Variants in MCOLN1 observed in about 807,000 individuals in gnomAD.
MCOLN1 encodes mucolipin TRP cation channel 1.
A neutral mutation model predicts 70.3 loss-of-function variants in MCOLN1; 50 were observed. The observed-to-expected ratio is 0.71, with a 90% confidence interval of 0.57 to 0.90. The LOEUF (loss-of-function observed/expected upper bound fraction) is 0.90, where lower values mean the gene tolerates loss of function less well. MCOLN1 is among the 40% of genes least tolerant of loss of function. The pLI is 0.00. For synonymous variants in MCOLN1, 366 were observed against 341.0 expected, an observed-to-expected ratio of 1.07 and a Z score of -0.81; for missense variants, 598 against 803.5, an observed-to-expected ratio of 0.74 and a Z score of 3.09.
intron 10 of MCOLN1, 66 bp from the exon 11 acceptor site, chr19:7,529,523 CT>C: frequency 3.5e-6 from 4 of 1,156,262 alleles, no homozygotes; most frequent in Non-Finnish European, 5.0e-6. Context: ...CCACCCCCAT[CT>C]GGGTGCCCAC....
chr19:7,532,656 A>G (rs2146028086), intron 12 of MCOLN1, among the ~76,000 whole-genome samples: 1 of 152,344 alleles, frequency 6.6e-6, no homozygotes, highest in Admixed American at 6.5e-5. Flanking sequence ...TAGAGGTTGC[A>G]GTGAGCCGAG....
chr19:7,531,909 G>A (rs1045079112), intron 12 of MCOLN1, among the ~76,000 whole-genome samples: 12 of 152,108 alleles, frequency 7.9e-5, no homozygotes, highest in Admixed American at 7.9e-4. Context: ...CTTGTGATCC[G>A]CCCACCTCAG....
intron 12 of MCOLN1, among the ~76,000 whole-genome samples, chr19:7,532,589 C>T (rs1351917412): frequency 6.6e-6 from 1 of 152,050 alleles, no homozygotes; most frequent in African/African-American, 2.4e-5. Context: ...GTGGCAGGCA[C>T]CTGTAATCCC....
Position 7,526,649 on chromosome 19 carries a change from G to C in MCOLN1, c.405+43G>C. ...GGTGCTGGTGGGCAGGCAGGTGCAG[G>C]TGGGCGGGCAGGTGCAGTTGGGCGG... On this transcript the variant is annotated intron_variant, in intron 3 of 13. Transcript: ENST00000264079. The surrounding 1 kb of genome is among the most constrained non-coding windows in gnomAD (Gnocchi z 4.6). 2.5e-6 allele frequency: 4 copies of C among 1,599,676 alleles called. No homozygotes were observed. The highest frequency in any genetic ancestry group is 2.5e-6 in the Non-Finnish European group (3 of 1,178,610).
chr19:7,533,997 G>T lies in MCOLN1; in HGVS notation c.*202G>T, dbSNP rs1599259197. The T allele has an allele frequency of 6.1e-6, 4 of 656,726 alleles. No homozygotes were observed. In the South Asian group the frequency reaches 7.0e-5, roughly 12 times the overall value. 40.7% of individuals were successfully genotyped at this position (656,726 alleles called of 1,614,324 possible). A position where few individuals can be genotyped will look rare whatever the true frequency, so the allele number is the denominator to read the frequency against. ...GAATAAAAGGGAAAATAAATGTGTC[G>T]TTTTCATTTTTAGCGGGAGGAGCAG... On this transcript the variant is annotated 3_prime_UTR_variant, in exon 14 of 14. Transcript: ENST00000264079.
rs116662144 is a variant in MCOLN1, at chr19:7,522,910, G to A, written c.31+129G>A. The A allele has an allele frequency of 2.7e-3, 2,229 of 822,944 alleles. 35 individuals carry two copies. The African/African-American group carries it at 0.035, about 13-fold the overall frequency. 51.0% of individuals were successfully genotyped at this position (822,944 alleles called of 1,614,324 possible). ...CGCTGACTTTTCACGGTGGAGAAAA[G>A]GGCAGACGGCTCCTAGAACTTGGGC... On this transcript the variant is annotated intron_variant, in intron 1 of 13. Coordinates refer to ENST00000264079, the MANE Select transcript of MCOLN1 (RefSeq NM_020533.3).
In MCOLN1 at chr19:7,528,868, G is replaced by C. The variant is rs371345093; in HGVS notation, c.1032G>C (p.Leu344=). The C allele has an allele frequency of 1.2e-6, 2 of 1,614,246 alleles. No homozygotes were observed. Among genetic ancestry groups the C allele is most frequent in the South Asian group, 2.2e-5 (2 of 91,090 alleles). ...MWRQRGRVIS[L]WERLEFVNGW... ...GGCAGCGGGGACGGGTCATCAGCCTGTGGGAGCGGCTGGAATTTGTCAATG... is the reference window on the plus strand; with the variant it reads ...GGCAGCGGGGACGGGTCATCAGCCTCTGGGAGCGGCTGGAATTTGTCAATG... Residue 344 remains leucine, a synonymous_variant, in exon 9 of 14, where the codon CTG becomes CTC. Coordinates refer to ENST00000264079, the MANE Select transcript of MCOLN1 (RefSeq NM_020533.3). This position sits in a 1 kb window ranked among gnomAD's most constrained non-coding sequence, Gnocchi z 4.2.
At chr19:7,529,524 TG>T in intron 10 of MCOLN1, 65 bp from the exon 11 acceptor site, 2 of 542,794 alleles carry the variant, frequency 3.7e-6, no homozygotes, top group African/African-American at 2.1e-5. Context: ...CACCCCCATC[TG>T]GGTGCCCACA....
At chr19:7,532,149 C>T (rs1014658078) in intron 12 of MCOLN1, among the ~76,000 whole-genome samples, 5 of 152,184 alleles carry the variant, frequency 3.3e-5, no homozygotes, top group Admixed American at 2.6e-4. Context: ...ATTCTTTCAG[C>T]AGATATATCT....
Position 7,526,211 on chromosome 19 carries a change from C to G in MCOLN1, c.238-228C>G, listed in dbSNP as rs2022565154. 3 of 612,304 alleles carry G rather than the reference C, an allele frequency of 4.9e-6. No individual in the cohort carries two copies. Among genetic ancestry groups the G allele is most frequent in the Non-Finnish European group, 8.8e-6 (3 of 340,110 alleles). The allele number at this position is 612,304 out of a possible 1,614,324, so 37.9% of individuals were successfully genotyped here. ...ACCCTGTGTTGTACGGGGGAGGACA[C>G]AGTGGTGGGCGTGGCATGGAGCTTA... On this transcript the variant is annotated intron_variant, in intron 2 of 13. Coordinates refer to ENST00000264079, the MANE Select transcript of MCOLN1 (RefSeq NM_020533.3). The surrounding 1 kb of genome is among the most constrained non-coding windows in gnomAD (Gnocchi z 4.6).
At position 7,524,180 on chromosome 19, in the gene MCOLN1, G is replaced by A. The variant is rs1041788920; in HGVS notation, c.32-781G>A. ...GCCTTTTTAAAATTTCCACTCTTCA[G>A]ATGAGGAGATGGAGGCTCAGGGAGG... On this transcript the variant is annotated intron_variant, in intron 1 of 13. Transcript: ENST00000264079. The surrounding 1 kb of genome is among the most constrained non-coding windows in gnomAD (Gnocchi z 4.1). Among the ~76,000 whole-genome samples, 6 of 152,202 alleles carry A rather than the reference G, an allele frequency of 3.9e-5. No homozygotes were observed.
In MCOLN1 at chr19:7,533,518, C is replaced by A. The variant is rs775755004; in HGVS notation, c.1576-5C>A. ...CAGGCTGAGCCTCCCGGCTTCTCTC[C>A]CCAGCATCCCGGCGGCGCAGGCGCA... is the stretch of plus-strand genomic sequence containing the variant. On this transcript the variant is annotated splice_polypyrimidine_tract_variant and splice_region_variant and intron_variant, in intron 12 of 13. Transcript: ENST00000264079. 9.9e-6 allele frequency: 16 copies of A among 1,610,698 alleles called. No homozygotes were observed. In the Admixed American group the frequency reaches 2.2e-4, roughly 22 times the overall value.
chr19:7,529,578 G>T lies in MCOLN1; in HGVS notation c.1237-12G>T. 6.4e-7 allele frequency: 1 copy of T among 1,570,770 alleles called. No homozygotes were observed. Among genetic ancestry groups the T allele is most frequent in the African/African-American group, 1.4e-5 (1 of 71,570 alleles). On this transcript the variant is annotated splice_polypyrimidine_tract_variant and intron_variant, in intron 10 of 13. Coordinates refer to ENST00000264079, the MANE Select transcript of MCOLN1 (RefSeq NM_020533.3). ...CCACACCCTCAACGAGGCTCCCTCT[G>T]CCCCAACCCAGATCCTCATCGCCAC...
In MCOLN1 at chr19:7,526,153, C is replaced by G. The variant is rs944644557; in HGVS notation, c.238-286C>G. 5.8e-6 allele frequency: 3 copies of G among 516,316 alleles called. No individual in the cohort carries two copies. The highest frequency in any genetic ancestry group is 5.8e-5 in the African/African-American group (3 of 52,010). 32.0% of individuals were successfully genotyped at this position (516,316 alleles called of 1,614,324 possible). A position where few individuals can be genotyped will look rare whatever the true frequency, so the allele number is the denominator to read the frequency against. On this transcript the variant is annotated intron_variant, in intron 2 of 13. Transcript: ENST00000264079. The surrounding 1 kb of genome is among the most constrained non-coding windows in gnomAD (Gnocchi z 4.6). ...GGACATCCAGTAAACATTTAATGAA[C>G]GTTAGTCCCTGCAGTGAGATAGATG...
intron 10 of MCOLN1, 129 bp from the exon 11 acceptor site, chr19:7,529,461 C>A: frequency 8.1e-7 from 1 of 1,228,784 alleles, no homozygotes; most frequent in Non-Finnish European, 1.1e-6. Flanking sequence ...TCTAGGCACC[C>A]ACTGGCTCCC....
chr19:7,528,956 G>T lies in MCOLN1; in HGVS notation c.1120G>T (p.Gly374Cys). The T allele has an allele frequency of 6.2e-7, 1 of 1,614,122 alleles. No individual in the cohort carries two copies. The highest frequency in any genetic ancestry group is 1.1e-5 in the South Asian group (1 of 91,086). ...LTISGTIMKIGIEAKNLASYD... is the reference protein window; with the variant it reads ...LTISGTIMKICIEAKNLASYD... ...CATCTCGGGCACCATCATGAAGATC[G>T]GCATCGAGGCCAAGGTGCGTCCTGC... Residue 374 changes from glycine (G) to cysteine (C), a missense_variant, in exon 9 of 14, where the codon GGC becomes TGC. This residue lies in a region of MCOLN1 where 461 missense variants were observed against 588.4 expected (regional missense o/e 0.78). Coordinates refer to ENST00000264079, the MANE Select transcript of MCOLN1 (RefSeq NM_020533.3). The surrounding 1 kb of genome is among the most constrained non-coding windows in gnomAD (Gnocchi z 4.2).
Position 7,533,593 on chromosome 19 carries a change from C to T in MCOLN1, c.1646C>T (p.Thr549Ile). 6.2e-7 allele frequency: 1 copy of T among 1,613,418 alleles called. No homozygotes were observed. Among genetic ancestry groups the T allele is most frequent in the Non-Finnish European group, 8.5e-7 (1 of 1,179,988 alleles). ...ATCGCACAGTGCCAGGACAGCCCCA[C>T]CTCCGGCAAGTTCCGCCGCGGGAGC... The part of the protein sequence containing the change: ...AYIAQCQDSP[T>I]SGKFRRGSGS... Residue 549 changes from threonine (T) to isoleucine (I), a missense_variant, in exon 13 of 14, where the codon ACC becomes ATC. Physicochemically the swap from Thr to Ile is moderately conservative, Grantham distance 89. Transcript: ENST00000264079.
In MCOLN1 at chr19:7,528,986, A is replaced by G. The variant is rs557154932; in HGVS notation, c.1134+16A>G. On this transcript the variant is annotated intron_variant, in intron 9 of 13. Transcript: ENST00000264079. The surrounding 1 kb of genome is among the most constrained non-coding windows in gnomAD (Gnocchi z 4.2). ...CGAGGCCAAGGTGCGTCCTGCCAAC[A>G]CCCTGGGCCCCAGGTCCCATCCCTG... 2.8e-5 allele frequency: 45 copies of G among 1,613,698 alleles called. No individual in the cohort carries two copies. In the East Asian group the frequency reaches 5.4e-4, roughly 19 times the overall value.
Position 7,528,674 on chromosome 19 carries a change from T to C in MCOLN1, c.955T>C (p.Ser319Pro), listed in dbSNP as rs2022608862. 11 of 1,614,084 alleles carry C rather than the reference T, an allele frequency of 6.8e-6. No individual in the cohort carries two copies. Among genetic ancestry groups the C allele is most frequent in the Non-Finnish European group, 9.3e-6 (11 of 1,180,030 alleles). The stretch of plus-strand genomic sequence containing the variant: ...CCTGTCCTTCCTCCTCTGCGCCCGC[T>C]CACTCCTTCGAGGCTTCCTGCTGCA... ...CSLSFLLCARSLLRGFLLQNE... is the reference protein window; with the variant it reads ...CSLSFLLCARPLLRGFLLQNE... Residue 319 changes from serine (S) to proline (P), a missense_variant, in exon 8 of 14, where the codon TCA (serine) becomes CCA (proline). Ser to Pro is a moderately conservative substitution (Grantham distance 74). This residue lies in a region of MCOLN1 where 461 missense variants were observed against 588.4 expected (regional missense o/e 0.78). Transcript: ENST00000264079. The surrounding 1 kb of genome is among the most constrained non-coding windows in gnomAD (Gnocchi z 4.2).
Sources: allele counts gnomAD v4.1 joint callset (sites outside exome capture counted in the v4.1 genomes callset), GRCh38; gene constraint gnomAD v4.1.1; regional missense constraint gnomAD v4.1.1; non-coding constraint Gnocchi (gnomAD v3.1); transcripts MANE v1.5; gene names NCBI Gene and HGNC (gene_info 2026-07-23, HGNC 2026-07-21).